RTL1: variants seen among roughly 807,000 people sequenced by gnomAD.
RTL1 encodes the protein retrotransposon Gag like 1.
For missense variants in RTL1, 1,681 were observed against 1,767.5 expected (o/e 0.95, Z 0.88); for synonymous variants, 727 against 748.4 (o/e 0.97, Z 0.47).
chr14:100,884,041 A>C lies in RTL1; in HGVS notation c.748T>G (p.Leu250Val). The part of the protein sequence containing the change: ...YVINHLSGLA[L>V]EWAKALLQEN... ...TGCAGTAGAGCTTTGGCCCATTCTA[A>C]TGCCAAGCCGGACAGGTGATTGATG... Residue 250 changes from leucine to valine, a missense_variant, in exon 4 of 4, where the codon TTA becomes GTA. Coordinates refer to ENST00000649591, the MANE Select transcript of RTL1 (RefSeq NM_001134888.3). The C allele has an allele frequency of 6.4e-7, 1 of 1,551,710 alleles. No individual in the cohort carries two copies.
In RTL1 at chr14:100,884,070, T is replaced by C. The variant is rs1415540090; in HGVS notation, c.719A>G (p.Tyr240Cys). ...CAAGCCGGACAGGTGATTGATGACA[T>C]AGCCAACTCTCAGACGGTCGTTATA... Reference protein sequence around the residue: ...MFYNDRLRVGYVINHLSGLAL... With the variant: ...MFYNDRLRVGCVINHLSGLAL... Residue 240 changes from tyrosine to cysteine, a missense_variant, in exon 4 of 4, where the codon TAT becomes TGT. Physicochemically the swap from Tyr to Cys is radical, Grantham distance 194. Coordinates refer to ENST00000649591, the MANE Select transcript of RTL1 (RefSeq NM_001134888.3). The C allele has an allele frequency of 2.6e-6, 4 of 1,551,736 alleles. No homozygotes were observed. In the Admixed American group the frequency reaches 7.8e-5, roughly 30 times the overall value.
chr14:100,897,333 T>C (rs1338219224), intron 2 of RTL1, among the ~76,000 whole-genome samples: 1 of 152,068 alleles, frequency 6.6e-6, no homozygotes, highest in Non-Finnish European at 1.5e-5. Context: ...AAATGTTTAT[T>C]CTAATTATGC....
At chr14:100,885,369 C>G (rs1241890088) in intron 3 of RTL1, among the ~76,000 whole-genome samples, 1 of 152,198 alleles carries the variant, frequency 6.6e-6, no homozygotes, top group Non-Finnish European at 1.5e-5. Context: ...GCGGGAATCT[C>G]TAGCAAAGAT....
At chr14:100,889,016 C>T (rs1346533959) in intron 3 of RTL1, among the ~76,000 whole-genome samples, 3 of 152,164 alleles carry the variant, frequency 2.0e-5, no homozygotes, top group Admixed American at 6.6e-5. Context: ...AGCCGTTACC[C>T]GTAAAATATA....
chr14:100,887,603 A>C (rs1014614906), intron 3 of RTL1, among the ~76,000 whole-genome samples: 2 of 151,850 alleles, frequency 1.3e-5, no homozygotes, highest in Non-Finnish European at 2.9e-5. Flanking sequence ...AAAATACAAA[A>C]ATTAGCCGGG....
At chr14:100,897,010 C>T (rs118146313) in intron 2 of RTL1, among the ~76,000 whole-genome samples, 1 of 152,274 alleles carries the variant, frequency 6.6e-6, no homozygotes, top group East Asian at 1.9e-4. Context: ...AAAGCACTCC[C>T]CCGTGGGTGC....
In RTL1 at chr14:100,891,811, A is replaced by G. The variant is rs559528328; in HGVS notation, c.-87+1633T>C. Among the ~76,000 whole-genome samples, 122 of 152,196 alleles carry G rather than the reference A, an allele frequency of 8.0e-4. 1 individual carries two copies. The highest frequency in any genetic ancestry group is 2.8e-3 in the African/African-American group (118 of 41,526). On this transcript the variant is annotated intron_variant, in intron 3 of 3. Transcript: ENST00000649591. ...TAGCCTAGATGGGCTCTGACTGTCA[A>G]CATGACCTTCCTCTCCCAGGTCCTC... is the stretch of plus-strand genomic sequence containing the variant.
Position 100,881,817 on chromosome 14 carries a change from C to T in RTL1, c.2972G>A (p.Arg991Gln), listed in dbSNP as rs746370282. The T allele has an allele frequency of 2.5e-6, 4 of 1,613,776 alleles. No homozygotes were observed. Among genetic ancestry groups the T allele is most frequent in the Admixed American group, 3.3e-5 (2 of 60,008 alleles). Residue 991 changes from arginine to glutamine, a missense_variant, in exon 4 of 4, where the codon CGA (arginine) becomes CAA (glutamine). Arg to Gln is a conservative substitution (Grantham distance 43). Transcript: ENST00000649591. The surrounding 1 kb of genome is among the most constrained non-coding windows in gnomAD (Gnocchi z 6.6). ...GAGGTTTCTCACAGGTGGCAGAGCTCGGCCGCCGTCTTGTTCTGGCAGCTC... is the reference window on the plus strand; with the variant it reads ...GAGGTTTCTCACAGGTGGCAGAGCTTGGCCGCCGTCTTGTTCTGGCAGCTC... ...VMELPEQDGG[R>Q]ALPPVRNLRW...
In RTL1 at chr14:100,880,934, A is replaced by C; in HGVS notation, c.3855T>G (p.Asp1285Glu). Residue 1285 changes from aspartate (D) to glutamate (E), a missense_variant, in exon 4 of 4, where the codon GAT (aspartate) becomes GAG (glutamate). Asp to Glu is a conservative substitution (Grantham distance 45). Coordinates refer to ENST00000649591, the MANE Select transcript of RTL1 (RefSeq NM_001134888.3). ...TACCAAGGAATTCCAGGACCTGGGG[A>C]TCCATCAGGTGGCGTGGGCGGGGTG... ...THPPRPRHLM[D>E]PQVLEFLGSR... The C allele has an allele frequency of 9.0e-7, 1 of 1,111,574 alleles. No individual in the cohort carries two copies. Among genetic ancestry groups the C allele is most frequent in the Non-Finnish European group, 1.2e-6 (1 of 859,092 alleles). 68.9% of individuals were successfully genotyped at this position (1,111,574 alleles called of 1,614,324 possible).
chr14:100,897,541 CTTTG>C (rs1424704532), intron 2 of RTL1: 4 of 152,140 alleles, frequency 2.6e-5, no homozygotes, highest in South Asian at 2.1e-4. Context: ...AAATCTATGA[CTTTG>C]TTTATTTTTT....
chr14:100,887,003 ACTT>A (rs1224147711), intron 3 of RTL1, among the ~76,000 whole-genome samples: 1 of 152,206 alleles, frequency 6.6e-6, no homozygotes, highest in Non-Finnish European at 1.5e-5. Context: ...AAATCTTAAT[ACTT>A]CTTAACATCA....
At chr14:100,894,930 G>A (rs1313014691) in intron 2 of RTL1, 1 of 152,216 alleles carries the variant, frequency 6.6e-6, no homozygotes, top group Non-Finnish European at 1.5e-5. Flanking sequence ...GACAGGGCAT[G>A]ACCCAGCCCT....
chr14:100,899,748 A>G (rs1043358492), intron 2 of RTL1, among the ~76,000 whole-genome samples: 3 of 151,638 alleles, frequency 2.0e-5, no homozygotes, highest in Admixed American at 6.6e-5. Flanking sequence ...TCTCTCACAC[A>G]GGGCTATTGA....
chr14:100,902,895 G>A (rs957132956), intron 2 of RTL1, among the ~76,000 whole-genome samples: 4 of 152,102 alleles, frequency 2.6e-5, no homozygotes, highest in African/African-American at 7.2e-5. Flanking sequence ...AACAAGTGTC[G>A]CAAGAGAGAA....
At chr14:100,885,902 G>T (rs2038691557) in intron 3 of RTL1, among the ~76,000 whole-genome samples, 1 of 152,136 alleles carries the variant, frequency 6.6e-6, no homozygotes, top group Admixed American at 6.6e-5. Flanking sequence ...TGCTGGTTGA[G>T]CCCTCCCAAC....
In RTL1 at chr14:100,882,723, G is replaced by C; in HGVS notation, c.2066C>G (p.Ala689Gly). 6.4e-7 allele frequency: 1 copy of C among 1,551,964 alleles called. No individual in the cohort carries two copies. Among genetic ancestry groups the C allele is most frequent in the Non-Finnish European group, 8.7e-7 (1 of 1,147,072 alleles). Reference protein sequence around the residue: ...GHRTEDVWKAAFGLELEEMKS... With the variant: ...GHRTEDVWKAGFGLELEEMKS... ...CATCTCTTCAAGCTCCAAACCAAAC[G>C]CTGCTTTCCACACATCTTCGGTGCG... The change falls in exon 4 of 4, where the codon GCG (alanine) becomes GGG (glycine). Residue 689 changes from alanine to glycine, a missense_variant. By Grantham distance (60) the Ala-to-Gly change is moderately conservative. Coordinates refer to ENST00000649591, the MANE Select transcript of RTL1 (RefSeq NM_001134888.3).
At chr14:100,902,930 G>T (rs191069974) in intron 2 of RTL1, among the ~76,000 whole-genome samples, 1 of 152,250 alleles carries the variant, frequency 6.6e-6, no homozygotes, top group East Asian at 1.9e-4. Flanking sequence ...TCAAGACCCT[G>T]CTCCCAATAC....
intron 3 of RTL1, among the ~76,000 whole-genome samples, chr14:100,888,321 A>T (rs1010429103): frequency 2.0e-5 from 3 of 152,314 alleles, no homozygotes; most frequent in Non-Finnish European, 2.9e-5. Context: ...CTCAACTTAA[A>T]ACTTCTCGAG....
chr14:100,896,176 G>A (rs1161016088), intron 2 of RTL1, among the ~76,000 whole-genome samples: 1 of 152,186 alleles, frequency 6.6e-6, no homozygotes, highest in East Asian at 1.9e-4. Flanking sequence ...ATAAATAGTG[G>A]GGCTTCACGT....
Sources: gnomAD v4.1 joint callset for allele counts (sites outside exome capture counted in the v4.1 genomes callset) on GRCh38, gnomAD v4.1.1 for gene constraint, Gnocchi (gnomAD v3.1) non-coding constraint, MANE v1.5 for transcripts, NCBI Gene and HGNC (gene_info 2026-07-23, HGNC 2026-07-21) for gene names.